SRL: variants seen among roughly 807,000 people sequenced by gnomAD.
SRL encodes sarcalumenin.
Under a neutral mutation model 39.5 loss-of-function variants are expected in SRL, and 23 were observed. The ratio of observed to expected loss-of-function variants is 0.58; its 90% confidence interval spans 0.42 to 0.82. The LOEUF is 0.82. Among genes scored for constraint, SRL ranks in the 40% least tolerant of loss-of-function variants. The probability of loss-of-function intolerance (pLI) is 0.00; values close to 1 mark genes in which losing one functional copy is unlikely to be tolerated. For missense variants in SRL, 592 were observed against 607.8 expected, an observed-to-expected ratio of 0.97 and a Z score of 0.27; for synonymous variants, 272 against 237.4, an observed-to-expected ratio of 1.15 and a Z score of -1.34.
At chr16:4,204,058 C>T (rs1425487860) in intron 2 of SRL, among the ~76,000 whole-genome samples, 4 of 152,218 alleles carry the variant, frequency 2.6e-5, no homozygotes, top group Admixed American at 6.5e-5. Context: ...GATCCGCCAC[C>T]CTCTAGCCGT....
intron 1 of SRL, among the ~76,000 whole-genome samples, chr16:4,210,163 C>G (rs1393038317): frequency 1.3e-5 from 2 of 152,210 alleles, no homozygotes; most frequent in Middle Eastern, 3.2e-3. Flanking sequence ...GGGGACAGGA[C>G]AGGGAGCTGA....
chr16:4,203,491 C>A (rs1472192208), intron 2 of SRL, among the ~76,000 whole-genome samples: 2 of 152,212 alleles, frequency 1.3e-5, no homozygotes, highest in African/African-American at 2.4e-5. Context: ...ACCCCCAAAG[C>A]TTCCTGAACT....
At chr16:4,219,787 G>C (rs1419677162) in intron 1 of SRL, among the ~76,000 whole-genome samples, 1 of 152,086 alleles carries the variant, frequency 6.6e-6, no homozygotes, top group Non-Finnish European at 1.5e-5. Flanking sequence ...GAAGGACCCA[G>C]GGTGAGGGTT....
At chr16:4,193,243 A>T (rs2052092511) in intron 5 of SRL, among the ~76,000 whole-genome samples, 2 of 152,116 alleles carry the variant, frequency 1.3e-5, no homozygotes, top group Non-Finnish European at 2.9e-5. Flanking sequence ...ATTATAGCTC[A>T]CTGCAGCCTC....
At chr16:4,205,227 T>C (rs985296529) in intron 1 of SRL, among the ~76,000 whole-genome samples, 1 of 151,906 alleles carries the variant, frequency 6.6e-6, no homozygotes, top group African/African-American at 2.4e-5. Flanking sequence ...GACAGGAGGA[T>C]TCTCTCAGCT....
In SRL at chr16:4,195,730, T is replaced by C; in HGVS notation, c.433A>G (p.Thr145Ala). 6.2e-7 allele frequency: 1 copy of C among 1,613,858 alleles called. No homozygotes were observed. Among genetic ancestry groups the C allele is most frequent in the Non-Finnish European group, 8.5e-7 (1 of 1,179,974 alleles). ...GCAGCCATGACGATGCCCTCGATGG[T>C]TTTCAGCTTAGGCCCATGCATGAGG... ...TVLMHGPKLK[T>A]IEGIVMAADS... The change falls in exon 5 of 6, where the codon ACC becomes GCC. Residue 145 changes from threonine (T) to alanine (A), a missense_variant. Physicochemically the swap from Thr to Ala is moderately conservative, Grantham distance 58. Transcript: ENST00000399609.
At chr16:4,210,560 G>A (rs1286560286) in intron 1 of SRL, among the ~76,000 whole-genome samples, 2 of 139,572 alleles carry the variant, frequency 1.4e-5, no homozygotes, top group Non-Finnish European at 3.0e-5. Context: ...ACGCGATCTC[G>A]GTTCACTGTA....
chr16:4,204,739 A>G (rs1343911939), intron 1 of SRL, 105 bp from the exon 2 acceptor site: 3 of 906,956 alleles, frequency 3.3e-6, no homozygotes, highest in Non-Finnish European at 5.3e-6. Flanking sequence ...GGGGCTCAAC[A>G]GGGTCTTGCC....
At chr16:4,198,946 C>G (rs956245710) in intron 3 of SRL, among the ~76,000 whole-genome samples, 1 of 152,146 alleles carries the variant, frequency 6.6e-6, no homozygotes, top group Non-Finnish European at 1.5e-5. Context: ...GCTTTCAAAT[C>G]CAGTGGACAG....
At chr16:4,203,052 C>T in intron 3 of SRL, 114 bp downstream of exon 3, 1 of 906,094 alleles carries the variant, frequency 1.1e-6, no homozygotes, top group Non-Finnish European at 1.8e-6. Flanking sequence ...CATGAATGAG[C>T]TCCTGAACCT....
chr16:4,241,494 C>A (rs1015679258), intron 1 of SRL, among the ~76,000 whole-genome samples: 6 of 152,216 alleles, frequency 3.9e-5, no homozygotes, highest in African/African-American at 1.4e-4. Context: ...CGATCTTATC[C>A]CAAACCAATT....
In SRL at chr16:4,218,566, G is replaced by C. The variant is rs1156370195; in HGVS notation, c.62-13932C>G. Among the ~76,000 whole-genome samples, 3 of 152,200 alleles carry C rather than the reference G, an allele frequency of 2.0e-5. No homozygotes were observed. In the East Asian group the frequency reaches 5.8e-4, roughly 29 times the overall value. On this transcript the variant is annotated intron_variant, in intron 1 of 5. Coordinates refer to ENST00000399609, the MANE Select transcript of SRL (RefSeq NM_001098814.2). ...GGCGCTTTGCTCCTCTCGCACAAGT[G>C]AAATCACAGCTGATGTCTCCATGGC...
At chr16:4,232,208 G>A (rs1474181986) in intron 1 of SRL, among the ~76,000 whole-genome samples, 4 of 152,220 alleles carry the variant, frequency 2.6e-5, no homozygotes, top group South Asian at 4.1e-4. Flanking sequence ...TTGGGAGCCC[G>A]AGGCCAGGAT....
At chr16:4,206,113 C>T (rs1382824780) in intron 1 of SRL, among the ~76,000 whole-genome samples, 1 of 152,192 alleles carries the variant, frequency 6.6e-6, no homozygotes. Context: ...CTCGTATTGG[C>T]TGCAATTCTC....
chr16:4,235,202 G>A (rs543537954), intron 1 of SRL, among the ~76,000 whole-genome samples: 5 of 152,270 alleles, frequency 3.3e-5, no homozygotes, highest in East Asian at 1.9e-4. Context: ...GGCCAGGGGC[G>A]AGGTCCCTGA....
chr16:4,212,997 G>A (rs1258518547), intron 1 of SRL, among the ~76,000 whole-genome samples: 4 of 152,316 alleles, frequency 2.6e-5, no homozygotes, highest in Admixed American at 2.6e-4. Context: ...GAGTCCAACT[G>A]TAAAGGAGGA....
rs920216398 is a variant in SRL at position 4,219,464 on chromosome 16, C to A, written c.62-14830G>T. Among the ~76,000 whole-genome samples the A allele has an allele frequency of 2.0e-5, 3 of 151,272 alleles. No homozygotes were observed. The South Asian group carries it at 6.3e-4, about 32-fold the overall frequency. On this transcript the variant is annotated intron_variant, in intron 1 of 5. Transcript: ENST00000399609. ...TGTCAGGCTGGCGCCCTGAGCACAG[C>A]TTTTTTTTTGAGACAGTCTCGCTCT...
In SRL at chr16:4,192,633, G is replaced by A; in HGVS notation, c.942C>T (p.Leu314=). 1 of 1,614,162 alleles carries A rather than the reference G, an allele frequency of 6.2e-7. No individual in the cohort carries two copies. The highest frequency in any genetic ancestry group is 8.5e-7 in the Non-Finnish European group (1 of 1,180,024). Reference sequence around the variant, plus strand: ...CGATCACCTGATTCAGGTCTTCTAGGAGGGAGATCTCTTCTTGGAGGAACA... The same window carrying A: ...CGATCACCTGATTCAGGTCTTCTAGAAGGGAGATCTCTTCTTGGAGGAACA... ...QELFLQEEIS[L]LEDLNQVIEN... is the part of the protein sequence containing the mutation. The change falls in exon 6 of 6, where the codon CTC becomes CTT. Residue 314 remains leucine, a synonymous_variant. Coordinates refer to ENST00000399609, the MANE Select transcript of SRL (RefSeq NM_001098814.2). This position sits in a 1 kb window ranked among gnomAD's most constrained non-coding sequence, Gnocchi z 4.0.
chr16:4,239,454 G>T (rs9928576), intron 1 of SRL, among the ~76,000 whole-genome samples: 1,672 of 152,358 alleles, frequency 0.011, 25 homozygotes, highest in African/African-American at 0.037. Flanking sequence ...AAGCAAAGAG[G>T]TCCCAAATTC....
Sources: gnomAD v4.1 joint callset for allele counts (sites outside exome capture counted in the v4.1 genomes callset) on GRCh38, gnomAD v4.1.1 for gene constraint, Gnocchi (gnomAD v3.1) non-coding constraint, MANE v1.5 for transcripts, NCBI Gene and HGNC (gene_info 2026-07-23, HGNC 2026-07-21) for gene names.